The following ADAMTS17 variants were observed in gnomAD, a reference collection of about 807,000 sequenced individuals.
The protein encoded by ADAMTS17 is A disintegrin and metalloproteinase with thrombospondin motifs 17.
Under a neutral mutation model 141.5 loss-of-function variants are expected in ADAMTS17, and 113 were observed. The observed-to-expected ratio is 0.80, with a 90% confidence interval of 0.69 to 0.93. The LOEUF (loss-of-function observed/expected upper bound fraction) is 0.93, where lower values mean the gene tolerates loss of function less well. ADAMTS17 is among the 40% of genes least tolerant of loss of function. The pLI, the probability that ADAMTS17 is intolerant of heterozygous loss-of-function variation, is 0.00. For missense variants in ADAMTS17, 1,659 were observed against 1,517.9 expected (o/e 1.09, Z -1.54); for synonymous variants, 768 against 630.6 (o/e 1.22, Z -3.27).
intron 12 of ADAMTS17, among the ~76,000 whole-genome samples, chr15:100,121,110 G>C (rs1172847026): frequency 2.0e-5 from 3 of 152,182 alleles, no homozygotes; most frequent in African/African-American, 7.2e-5. Context: ...ATTTTAGCAG[G>C]CAGAAGAAAG....
At chr15:100,062,324 G>A (rs2033185086) in intron 15 of ADAMTS17, among the ~76,000 whole-genome samples, 1 of 152,022 alleles carries the variant, frequency 6.6e-6, no homozygotes, top group East Asian at 1.9e-4. Context: ...AGGAGGAGGT[G>A]GCAGGGCAGC....
At chr15:100,054,140 A>G in intron 15 of ADAMTS17, 86 bp from the exon 16 acceptor site, 2 of 1,487,950 alleles carry the variant, frequency 1.3e-6, no homozygotes, top group South Asian at 1.1e-5. Flanking sequence ...ACAGCCCCTG[A>G]GTGGGGCAGA....
intron 14 of ADAMTS17, among the ~76,000 whole-genome samples, chr15:100,101,169 G>C (rs1359013595): frequency 6.6e-6 from 1 of 152,130 alleles, no homozygotes; most frequent in Non-Finnish European, 1.5e-5. Context: ...TCTCTGCCAG[G>C]CTGGCTCTTC....
intron 18 of ADAMTS17, among the ~76,000 whole-genome samples, chr15:100,033,996 G>A (rs2030452093): frequency 6.6e-6 from 1 of 152,194 alleles, no homozygotes; most frequent in Non-Finnish European, 1.5e-5. Flanking sequence ...TCAGCTTATT[G>A]GATGGTCTCC....
At position 99,994,506 on chromosome 15, in the gene ADAMTS17, CA is replaced by C. The variant is rs1438122355; in HGVS notation, c.2797-1307del. 2.6e-5 allele frequency among the ~76,000 whole-genome samples: 4 copies of C among 151,636 alleles called. No homozygotes were observed. In the East Asian group the frequency reaches 7.8e-4, roughly 29 times the overall value. ...CACTGGAAAAAAGGTACATAAAGGA[CA>C]AATGTTATTCCTGATATTTGTTATT... On this transcript the variant is annotated intron_variant, in intron 19 of 21. Coordinates refer to ENST00000268070, the MANE Select transcript of ADAMTS17 (RefSeq NM_139057.4).
chr15:100,134,789 T>C (rs1031381614), intron 10 of ADAMTS17, among the ~76,000 whole-genome samples: 7 of 152,182 alleles, frequency 4.6e-5, no homozygotes, highest in Non-Finnish European at 7.3e-5. Flanking sequence ...TCGGAGCTGA[T>C]CTGTGCCCTT....
At chr15:100,274,211 T>A (rs1567468817) in intron 4 of ADAMTS17, among the ~76,000 whole-genome samples, 1 of 152,228 alleles carries the variant, frequency 6.6e-6, no homozygotes, top group Non-Finnish European at 1.5e-5. Context: ...CTTATTGTGT[T>A]AAGTCTTCTA....
chr15:100,270,955 C>T lies in ADAMTS17; in HGVS notation c.790-8520G>A, dbSNP rs926018928. 9.9e-5 allele frequency among the ~76,000 whole-genome samples: 15 copies of T among 151,684 alleles called. No individual in the cohort carries two copies. In the East Asian group the frequency reaches 1.4e-3, roughly 14 times the overall value. On this transcript the variant is annotated intron_variant, in intron 4 of 21. Transcript: ENST00000268070. The stretch of plus-strand genomic sequence containing the variant: ...ATCTGGCCAGCGCTATTCGACTTTC[C>T]GTCTCTGTGAATTCACTACCCTACG...
At chr15:100,220,573 T>C (rs193049135) in intron 7 of ADAMTS17, among the ~76,000 whole-genome samples, 1 of 152,336 alleles carries the variant, frequency 6.6e-6, no homozygotes, top group African/African-American at 2.4e-5. Flanking sequence ...TCAGTGGTTT[T>C]AGTACTTTCT....
At chr15:100,112,920 C>T (rs1212243435) in intron 13 of ADAMTS17, among the ~76,000 whole-genome samples, 2 of 152,126 alleles carry the variant, frequency 1.3e-5, no homozygotes, top group African/African-American at 2.4e-5. Context: ...AGAAGACACT[C>T]GTGGCTCTCA....
At chr15:100,138,968 G>A (rs925391708) in intron 10 of ADAMTS17, among the ~76,000 whole-genome samples, 3 of 152,130 alleles carry the variant, frequency 2.0e-5, no homozygotes, top group African/African-American at 7.2e-5. Context: ...CCGGTAATAG[G>A]GGAAGAGACT....
intron 18 of ADAMTS17, among the ~76,000 whole-genome samples, chr15:100,035,773 G>A (rs142334441): frequency 3.9e-5 from 6 of 152,220 alleles, no homozygotes; most frequent in Middle Eastern, 3.4e-3. Context: ...GGCTCAGGCC[G>A]ATATTAAGCA....
At position 100,160,111 on chromosome 15, in the gene ADAMTS17, C is replaced by G. The variant is rs77422548; in HGVS notation, c.1182-4791G>C. Among the ~76,000 whole-genome samples, 1,317 of 152,244 alleles carry G rather than the reference C, an allele frequency of 8.7e-3. 16 individuals carry two copies. Among genetic ancestry groups the G allele is most frequent in the African/African-American group, 0.03 (1,243 of 41,540 alleles). ...AGTGTCAAACGTTACAAAATTTGCACATTCACCAAATGGATACAGCATTAT... is the reference window on the plus strand; with the variant it reads ...AGTGTCAAACGTTACAAAATTTGCAGATTCACCAAATGGATACAGCATTAT... On this transcript the variant is annotated intron_variant, in intron 8 of 21. Transcript: ENST00000268070.
intron 4 of ADAMTS17, among the ~76,000 whole-genome samples, chr15:100,275,686 G>A (rs1011341874): frequency 3.3e-5 from 5 of 152,178 alleles, no homozygotes; most frequent in Admixed American, 1.3e-4. Flanking sequence ...TGGGAATGAC[G>A]AAATCCACCA....
chr15:99,991,365 T>C (rs955160586), intron 20 of ADAMTS17, among the ~76,000 whole-genome samples: 1 of 152,178 alleles, frequency 6.6e-6, no homozygotes, highest in Non-Finnish European at 1.5e-5. Context: ...GTGAAGGATA[T>C]GAACAGACAC....
intron 3 of ADAMTS17, among the ~76,000 whole-genome samples, chr15:100,329,526 CAAA>C (rs35680287): frequency 1.3e-4 from 17 of 128,150 alleles, no homozygotes; most frequent in Non-Finnish European, 8.4e-5. Flanking sequence ...ATCGTGTCTC[CAAA>C]AAAAAAAAAA....
At position 100,218,898 on chromosome 15, in the gene ADAMTS17, CGCACACGTCCACCTGAACAT is replaced by C. The variant is rs1472955946; in HGVS notation, c.1076-19495_1076-19476del. 2.6e-4 allele frequency among the ~76,000 whole-genome samples: 28 copies of C among 107,152 alleles called. No individual in the cohort carries two copies. The East Asian group carries it at 8.6e-3, about 33-fold the overall frequency. 70.3% of individuals were successfully genotyped at this position (107,152 alleles called of 152,430 possible). On this transcript the variant is annotated intron_variant, in intron 7 of 21. Coordinates refer to ENST00000268070, the MANE Select transcript of ADAMTS17 (RefSeq NM_139057.4). ...GAACACGCAAACGTCCACCTGAACA[CGCACACGTCCACCTGAACAT>C]GCACACGTCCATCTACACATGCATA... is the stretch of plus-strand genomic sequence containing the variant.
In ADAMTS17 at chr15:100,277,525, A is replaced by C. The variant is rs184364680; in HGVS notation, c.789+3704T>G. 4.7e-4 allele frequency among the ~76,000 whole-genome samples: 71 copies of C among 152,286 alleles called. 1 individual carries two copies. In the East Asian group the frequency reaches 8.9e-3, roughly 19 times the overall value. The stretch of plus-strand genomic sequence containing the variant: ...TATTCCTTGCACTTGTGCCCTGGAT[A>C]ATTAAAAAAAGAGAGAGAGATAAAA... On this transcript the variant is annotated intron_variant, in intron 4 of 21. Coordinates refer to ENST00000268070, the MANE Select transcript of ADAMTS17 (RefSeq NM_139057.4).
At chr15:100,294,126 T>A (rs181038143) in intron 3 of ADAMTS17, among the ~76,000 whole-genome samples, 1 of 152,206 alleles carries the variant, frequency 6.6e-6, no homozygotes. Context: ...GTCAGATATA[T>A]AACAACACAA....
Sources: allele counts gnomAD v4.1 joint callset (sites outside exome capture counted in the v4.1 genomes callset), GRCh38; gene constraint gnomAD v4.1.1; transcripts MANE v1.5; gene names NCBI Gene and HGNC (gene_info 2026-07-23, HGNC 2026-07-21).